Variants in KDM4C observed in about 807,000 individuals in gnomAD.
KDM4C encodes the protein lysine-specific demethylase 4C.
A neutral mutation model predicts 129.3 loss-of-function variants in KDM4C; 81 were observed. The ratio of observed to expected loss-of-function variants is 0.63; its 90% CI spans 0.52 to 0.75. The LOEUF (loss-of-function observed/expected upper bound fraction) is 0.75, where lower values mean the gene tolerates loss of function less well. KDM4C is among the 30% of genes least tolerant of loss of function. The probability of loss-of-function intolerance (pLI) is 0.00; values close to 1 mark genes in which losing one functional copy is unlikely to be tolerated. For missense variants in KDM4C, 1,457 were observed against 1,304.0 expected (o/e 1.12, Z -1.81); for synonymous variants, 573 against 456.1 (o/e 1.26, Z -3.26).
rs1052697883 is a variant in KDM4C, at chr9:6,833,899, A to T, written c.436-15608A>T. 4.6e-5 allele frequency among the ~76,000 whole-genome samples: 7 copies of T among 152,022 alleles called. No individual in the cohort carries two copies. The East Asian group carries it at 1.4e-3, about 30-fold the overall frequency. The stretch of plus-strand genomic sequence containing the variant: ...CTTTTTGACATCTGTCAGAGCCGTG[A>T]AGAATGTTTGTTTAGGAGTCACTGC... On this transcript the variant is annotated intron_variant, in intron 4 of 21. Coordinates refer to ENST00000381309, the MANE Select transcript of KDM4C (RefSeq NM_015061.6).
chr9:6,741,676 C>CTTTTTTT (rs71315557), intron 1 of KDM4C, among the ~76,000 whole-genome samples: 146 of 94,000 alleles, frequency 1.6e-3, no homozygotes, highest in African/African-American at 5.9e-3. Flanking sequence ...GGTGGCAGCT[C>CTTTTTTT]TTTTTTTTTT....
chr9:7,149,028 A>T (rs1262683513), intron 19 of KDM4C, among the ~76,000 whole-genome samples: 2 of 152,122 alleles, frequency 1.3e-5, no homozygotes, highest in African/African-American at 4.8e-5. Context: ...CATCCCTCCT[A>T]ATAACCTGTC....
At chr9:6,868,298 T>G (rs1447099051) in intron 5 of KDM4C, among the ~76,000 whole-genome samples, 1 of 152,076 alleles carries the variant, frequency 6.6e-6, no homozygotes, top group Non-Finnish European at 1.5e-5. Flanking sequence ...CAGTCCTACG[T>G]GAGGAAACTT....
chr9:7,089,667 C>T (rs1301821585), intron 17 of KDM4C, among the ~76,000 whole-genome samples: 1 of 152,124 alleles, frequency 6.6e-6, no homozygotes, highest in Non-Finnish European at 1.5e-5. Flanking sequence ...CTTTCCAGTC[C>T]AAGTTACATG....
intron 8 of KDM4C, among the ~76,000 whole-genome samples, chr9:6,940,841 C>T (rs961802052): frequency 1.3e-5 from 2 of 152,088 alleles, no homozygotes; most frequent in Non-Finnish European, 2.9e-5. Context: ...AAAATATATG[C>T]TCTCTGATAA....
chr9:7,151,655 G>A (rs1367300584), intron 19 of KDM4C, among the ~76,000 whole-genome samples: 1 of 152,218 alleles, frequency 6.6e-6, no homozygotes, highest in African/African-American at 2.4e-5. Flanking sequence ...CTCCGGCCTG[G>A]GCGACAGGAG....
rs768094040 is a variant in KDM4C at position 6,748,856 on chromosome 9, C to G, written c.49+27859C>G. On this transcript the variant is annotated intron_variant, in intron 1 of 17. Transcript: ENST00000536108. ...CAAAACCAATGATACAGCCTTCTAT[C>G]TGCATATTCACTTGCTCATAGAGCC... The G allele has an allele frequency of 5.6e-6, 6 of 1,070,890 alleles. No individual in the cohort carries two copies. The African/African-American group carries it at 7.6e-5, about 14-fold the overall frequency. The allele number at this position is 1,070,890 out of a possible 1,614,324, so 66.3% of individuals were successfully genotyped here. A position where few individuals can be genotyped will look rare whatever the true frequency, so the allele number is the denominator to read the frequency against.
intron 8 of KDM4C, among the ~76,000 whole-genome samples, chr9:6,978,189 C>G (rs1259875803): frequency 6.6e-6 from 1 of 152,132 alleles, no homozygotes; most frequent in Non-Finnish European, 1.5e-5. Context: ...ACAAGCTGTT[C>G]AAGATTTCAT....
intron 1 of KDM4C, chr9:6,721,012 G>C: frequency 6.5e-7 from 1 of 1,548,814 alleles, no homozygotes; most frequent in Non-Finnish European, 8.7e-7. Flanking sequence ...GTGCTGCTCT[G>C]AACATAATCC....
Position 6,990,543 on chromosome 9 carries a change from T to C in KDM4C, c.1786+19T>C. 1 of 1,450,004 alleles carries C rather than the reference T, an allele frequency of 6.9e-7. No individual in the cohort carries two copies. Among genetic ancestry groups the C allele is most frequent in the Non-Finnish European group, 9.1e-7 (1 of 1,099,650 alleles). 89.8% of individuals were successfully genotyped at this position (1,450,004 alleles called of 1,614,324 possible). A position where few individuals can be genotyped will look rare whatever the true frequency, so the allele number is the denominator to read the frequency against. ...GATGAAGGTGAGATGGTGACCCTTT[T>C]TGGGATTTTTTTTTTTTTTTTTGGT... is the stretch of plus-strand genomic sequence containing the variant. On this transcript the variant is annotated intron_variant, in intron 12 of 21. Coordinates refer to ENST00000381309, the MANE Select transcript of KDM4C (RefSeq NM_015061.6).
rs146371672 is a variant in KDM4C at position 6,724,127 on chromosome 9, T to A, written c.49+3130T>A. ...AGTAGCTAGAAGAAAGAGGAGTGCT[T>A]AAGGAAACTATCCAGCAGGCTATTC... On this transcript the variant is annotated intron_variant, in intron 1 of 17. Coordinates refer to the KDM4C transcript ENST00000536108. 81 of 152,284 alleles carry A rather than the reference T, an allele frequency of 5.3e-4. 1 individual carries two copies. The highest frequency in any genetic ancestry group is 1.8e-3 in the African/African-American group (74 of 41,568). The allele number at this position is 152,284 out of a possible 1,614,324, so 9.4% of individuals were successfully genotyped here.
At chr9:6,878,297 A>T (rs117224716) in intron 5 of KDM4C, among the ~76,000 whole-genome samples, 2,054 of 152,338 alleles carry the variant, frequency 0.013, 17 homozygotes, top group Middle Eastern at 0.02. Context: ...AATTTTATTA[A>T]TAATTAGTTA....
At chr9:6,999,783 T>G (rs1472343912) in intron 12 of KDM4C, among the ~76,000 whole-genome samples, 1 of 152,108 alleles carries the variant, frequency 6.6e-6, no homozygotes. Flanking sequence ...ACATCTCCCA[T>G]TGAAAGTCTT....
chr9:7,144,673 C>T (rs961996455), intron 19 of KDM4C, among the ~76,000 whole-genome samples: 6 of 152,222 alleles, frequency 3.9e-5, no homozygotes, highest in Non-Finnish European at 7.3e-5. Flanking sequence ...TCCCCTTTCC[C>T]GGATTCCTGG....
intron 17 of KDM4C, among the ~76,000 whole-genome samples, chr9:7,092,222 C>T (rs1835890963): frequency 1.3e-5 from 2 of 152,130 alleles, no homozygotes; most frequent in Admixed American, 1.3e-4. Flanking sequence ...TTCCATTAAT[C>T]ACCACAGTAA....
intron 10 of KDM4C, among the ~76,000 whole-genome samples, chr9:6,985,890 C>T (rs750283739): frequency 8.5e-5 from 13 of 152,130 alleles, no homozygotes; most frequent in Admixed American, 4.6e-4. Context: ...GGGGTTTCGC[C>T]GTGTTGGCCA....
At chr9:6,900,311 C>G (rs143204555) in intron 8 of KDM4C, among the ~76,000 whole-genome samples, 232 of 152,288 alleles carry the variant, frequency 1.5e-3, no homozygotes, top group Non-Finnish European at 2.7e-3. Context: ...ACTCATTTTT[C>G]TAGGTGTAAT....
intron 4 of KDM4C, among the ~76,000 whole-genome samples, chr9:6,842,690 C>A (rs538504510): frequency 6.6e-6 from 1 of 151,998 alleles, no homozygotes; most frequent in South Asian, 2.1e-4. Context: ...GGATTTGTGG[C>A]TTAAAAAAAA....
intron 1 of KDM4C, among the ~76,000 whole-genome samples, chr9:6,782,376 T>A (rs1193644725): frequency 6.6e-6 from 1 of 152,178 alleles, no homozygotes; most frequent in Non-Finnish European, 1.5e-5. Flanking sequence ...CAGATTAGGC[T>A]CATTTCCCAT....
Sources: gnomAD v4.1 joint callset for allele counts (sites outside exome capture counted in the v4.1 genomes callset) on GRCh38, gnomAD v4.1.1 for gene constraint, MANE v1.5 for transcripts, NCBI Gene and HGNC (gene_info 2026-07-23, HGNC 2026-07-21) for gene names.